Variants in CFAP43 observed in about 807,000 individuals in gnomAD.
The protein encoded by CFAP43 is cilia and flagella associated protein 43, also known as cilia- and flagella-associated protein 43.
CFAP43 carries 155 observed loss-of-function variants against 218.9 expected under a neutral mutation model. The observed-to-expected ratio is 0.71, with a 90% CI of 0.62 to 0.81. The LOEUF is 0.81. Among genes scored for constraint, CFAP43 ranks in the 30% least tolerant of loss-of-function variants. CFAP43 has a pLI of 0.00. For missense variants in CFAP43, 1,778 were observed against 1,954.3 expected (o/e 0.91, Z 1.70); for synonymous variants, 645 against 681.3 (o/e 0.95, Z 0.83).
rs750475078 is a variant in CFAP43 at position 104,232,177 on chromosome 10, C to T, written c.65+5G>A. 2.5e-6 allele frequency: 4 copies of T among 1,608,276 alleles called. No homozygotes were observed. The South Asian group carries it at 3.3e-5, about 13-fold the overall frequency. ...AGATCGGTCGCGGGGCCGTGAACAC[C>T]GCACCTCACGGACAAGGACGCGCCG... On this transcript the variant is annotated splice_donor_5th_base_variant and intron_variant, in intron 1 of 37. Transcript: ENST00000357060.
intron 5 of CFAP43, among the ~76,000 whole-genome samples, chr10:104,211,043 G>A (rs769976076): frequency 2.6e-5 from 4 of 151,684 alleles, no homozygotes; most frequent in Non-Finnish European, 5.9e-5. Flanking sequence ...CACCCGTCTC[G>A]GCCTCCCAAA....
intron 3 of CFAP43, among the ~76,000 whole-genome samples, chr10:104,223,649 T>G (rs1287207646): frequency 6.7e-6 from 1 of 149,724 alleles, no homozygotes; most frequent in Non-Finnish European, 1.5e-5. Context: ...TCAGAATTTA[T>G]GCACTTGTCA....
intron 3 of CFAP43, among the ~76,000 whole-genome samples, chr10:104,224,282 A>G (rs558696526): frequency 6.1e-4 from 92 of 151,684 alleles, no homozygotes; most frequent in African/African-American, 2.2e-3. Flanking sequence ...TGACCTCGTG[A>G]TTTGCCCACC....
intron 20 of CFAP43, among the ~76,000 whole-genome samples, chr10:104,169,673 T>C (rs1274759065): frequency 6.6e-6 from 1 of 152,178 alleles, no homozygotes; most frequent in Non-Finnish European, 1.5e-5. Context: ...ATCTCGCAGA[T>C]TTAAAATGTC....
chr10:104,175,793 C>T (rs1564757474), intron 19 of CFAP43, among the ~76,000 whole-genome samples: 2 of 152,174 alleles, frequency 1.3e-5, no homozygotes, highest in Non-Finnish European at 2.9e-5. Context: ...GCTTTTGCAC[C>T]ATCATAAGGT....
chr10:104,152,250 G>C (rs2088298208), intron 28 of CFAP43, among the ~76,000 whole-genome samples: 1 of 152,148 alleles, frequency 6.6e-6, no homozygotes. Flanking sequence ...GCAATGAATG[G>C]TAGAAAGGAA....
chr10:104,224,754 C>CA (rs66877503), intron 3 of CFAP43, among the ~76,000 whole-genome samples: 11,130 of 69,078 alleles, frequency 0.16, 960 homozygotes, highest in African/African-American at 0.25. Context: ...GACTCCATCT[C>CA]AAAAAAAAAA....
At chr10:104,190,005 AC>A (rs775088926) in intron 12 of CFAP43, among the ~76,000 whole-genome samples, 1 of 152,054 alleles carries the variant, frequency 6.6e-6, no homozygotes, top group Non-Finnish European at 1.5e-5. Context: ...GTTTCTACTA[AC>A]AAATACAAAA....
Position 104,186,671 on chromosome 10 carries a change from C to T in CFAP43, c.1861-548G>A, listed in dbSNP as rs1420309558. Among the ~76,000 whole-genome samples, 4 of 152,174 alleles carry T rather than the reference C, an allele frequency of 2.6e-5. No individual in the cohort carries two copies. The East Asian group carries it at 7.7e-4, about 29-fold the overall frequency. ...ATCAAATATTGCTTCCTTCATGAAACTTTTCTTGAATCTCTCTTGCCACTA... is the reference window on the plus strand; with the variant it reads ...ATCAAATATTGCTTCCTTCATGAAATTTTTCTTGAATCTCTCTTGCCACTA... On this transcript the variant is annotated intron_variant, in intron 14 of 37. Coordinates refer to ENST00000357060, the MANE Select transcript of CFAP43 (RefSeq NM_025145.7).
intron 12 of CFAP43, among the ~76,000 whole-genome samples, chr10:104,190,247 G>A (rs1339174694): frequency 6.6e-6 from 1 of 151,312 alleles, no homozygotes; most frequent in Non-Finnish European, 1.5e-5. Flanking sequence ...CAGCAGTATT[G>A]CCTGAGCCTA....
At chr10:104,209,530 C>T (rs1056707061) in intron 5 of CFAP43, among the ~76,000 whole-genome samples, 2 of 152,150 alleles carry the variant, frequency 1.3e-5, no homozygotes, top group African/African-American at 4.8e-5. Flanking sequence ...AATAACTCCA[C>T]ATTTGAGTAT....
intron 27 of CFAP43, among the ~76,000 whole-genome samples, chr10:104,155,997 C>T (rs1327015394): frequency 2.0e-5 from 3 of 151,902 alleles, no homozygotes; most frequent in Non-Finnish European, 4.4e-5. Context: ...AGAGTGGTAG[C>T]TGTAGAGGTG....
chr10:104,153,413 G>A (rs1000762066), intron 27 of CFAP43, among the ~76,000 whole-genome samples: 1 of 152,154 alleles, frequency 6.6e-6, no homozygotes. Context: ...GAGTGTAACT[G>A]TATTGTTTAT....
At chr10:104,169,947 G>A (rs1028382408) in intron 20 of CFAP43, among the ~76,000 whole-genome samples, 2 of 152,094 alleles carry the variant, frequency 1.3e-5, no homozygotes, top group Non-Finnish European at 2.9e-5. Flanking sequence ...TGTCCAGATT[G>A]TCATTATCGG....
chr10:104,157,779 A>AT (rs2088648632), intron 27 of CFAP43, among the ~76,000 whole-genome samples: 2 of 97,466 alleles, frequency 2.1e-5, no homozygotes, highest in African/African-American at 7.5e-5. Flanking sequence ...TGTGTGTGAG[A>AT]GAGAGAGAGA....
intron 29 of CFAP43, among the ~76,000 whole-genome samples, chr10:104,146,840 C>T (rs1564720818): frequency 6.6e-6 from 1 of 152,138 alleles, no homozygotes; most frequent in Non-Finnish European, 1.5e-5. Context: ...TCCCCATTTC[C>T]AACCTAGGAC....
intron 18 of CFAP43, among the ~76,000 whole-genome samples, chr10:104,179,359 T>C (rs979805068): frequency 5.3e-5 from 8 of 152,094 alleles, no homozygotes; most frequent in African/African-American, 1.7e-4. Context: ...CAGTGAAAAA[T>C]TAGTGAACAG....
rs957450942 is a variant in CFAP43, at chr10:104,161,887, G to T, written c.3414+74C>A. ...AACTTCTAAAACCCAGGTTTATATA[G>T]GACAAAAATGGTAAAACTTAAGTAG... is the stretch of plus-strand genomic sequence containing the variant. On this transcript the variant is annotated intron_variant, in intron 26 of 37. Coordinates refer to ENST00000357060, the MANE Select transcript of CFAP43 (RefSeq NM_025145.7). 6.3e-6 allele frequency: 9 copies of T among 1,419,370 alleles called. No homozygotes were observed. In the African/African-American group the frequency reaches 1.3e-4, roughly 20 times the overall value. The allele number at this position is 1,419,370 out of a possible 1,614,324, so 87.9% of individuals were successfully genotyped here. A position where few individuals can be genotyped will look rare whatever the true frequency, so the allele number is the denominator to read the frequency against.
intron 19 of CFAP43, among the ~76,000 whole-genome samples, chr10:104,172,924 GA>G (rs1186726901): frequency 6.6e-6 from 1 of 152,124 alleles, no homozygotes; most frequent in East Asian, 1.9e-4. Context: ...ATAATCAGGG[GA>G]GGGGTAATGG....
Sources: allele counts gnomAD v4.1 joint callset (sites outside exome capture counted in the v4.1 genomes callset), GRCh38; gene constraint gnomAD v4.1.1; transcripts MANE v1.5; gene names NCBI Gene and HGNC (gene_info 2026-07-23, HGNC 2026-07-21).